Variants in RPN2 observed in about 807,000 individuals in gnomAD.
RPN2 encodes the protein ribophorin II.
A neutral mutation model predicts 71.4 loss-of-function variants in RPN2; 29 were observed. The ratio of observed to expected loss-of-function variants is 0.41; its 90% CI spans 0.30 to 0.55. The LOEUF (loss-of-function observed/expected upper bound fraction) is 0.55, where lower values mean the gene tolerates loss of function less well. Among genes scored for constraint, RPN2 ranks in the 20% least tolerant of loss-of-function variants. The pLI, the probability that RPN2 is intolerant of heterozygous loss-of-function variation, is 0.35. For synonymous variants in RPN2, 308 were observed against 305.0 expected (o/e 1.01, Z -0.10); for missense variants, 726 against 774.1 (o/e 0.94, Z 0.74).
At chr20:37,227,830 C>T (rs1005840871) in intron 11 of RPN2, among the ~76,000 whole-genome samples, 2 of 152,258 alleles carry the variant, frequency 1.3e-5, no homozygotes, top group African/African-American at 4.8e-5. Flanking sequence ...TCAGTACCAT[C>T]GTATTGCTAT....
chr20:37,218,544 C>CT (rs1376861582), intron 9 of RPN2, among the ~76,000 whole-genome samples: 1 of 60,652 alleles, frequency 1.6e-5, no homozygotes, highest in African/African-American at 6.8e-5. Context: ...CCCGTCTCTG[C>CT]TAAAAAAAAA....
intron 16 of RPN2, 69 bp from the exon 17 acceptor site, chr20:37,241,234 A>C: frequency 6.3e-7 from 1 of 1,577,888 alleles, no homozygotes. Context: ...CTCTGTTGTC[A>C]CCAGTTAGGA....
chr20:37,207,177 A>G, intron 6 of RPN2, 96 bp from the exon 7 acceptor site: 2 of 965,830 alleles, frequency 2.1e-6, no homozygotes, highest in Non-Finnish European at 3.3e-6. Flanking sequence ...CCATGTGAAC[A>G]CCCGAAACAG....
At chr20:37,212,174 G>A in intron 8 of RPN2, among the ~76,000 whole-genome samples, 1 of 152,156 alleles carries the variant, frequency 6.6e-6, no homozygotes, top group Admixed American at 6.5e-5. Context: ...AGCTACTTGG[G>A]AGGCTGAGGT....
intron 1 of RPN2, among the ~76,000 whole-genome samples, chr20:37,182,401 A>T (rs1245630275): frequency 6.6e-6 from 1 of 151,566 alleles, no homozygotes; most frequent in Non-Finnish European, 1.5e-5. Context: ...GCTGTCTTTT[A>T]TTTTTTTGAG....
intron 13 of RPN2, among the ~76,000 whole-genome samples, chr20:37,231,168 G>T (rs957910701): frequency 6.6e-6 from 1 of 152,006 alleles, no homozygotes; most frequent in Non-Finnish European, 1.5e-5. Flanking sequence ...GGTGGTCATG[G>T]CCCTCCCCAC....
At chr20:37,180,916 C>G (rs1342040532) in intron 1 of RPN2, among the ~76,000 whole-genome samples, 1 of 152,172 alleles carries the variant, frequency 6.6e-6, no homozygotes, top group East Asian at 1.9e-4. Context: ...TAAGTCAAAT[C>G]ACTCCTCTGC....
intron 15 of RPN2, among the ~76,000 whole-genome samples, chr20:37,235,493 G>A (rs1405593894): frequency 2.0e-5 from 3 of 152,164 alleles, no homozygotes; most frequent in Middle Eastern, 3.4e-3. Flanking sequence ...AGGCCCCAGG[G>A]CTCTCCGTTC....
At chr20:37,180,038 G>C (rs2066817682) in intron 1 of RPN2, among the ~76,000 whole-genome samples, 1 of 152,216 alleles carries the variant, frequency 6.6e-6, no homozygotes, top group Non-Finnish European at 1.5e-5. Flanking sequence ...ATGGCCCTAG[G>C]TAAGAACTAA....
chr20:37,232,386 G>T lies in RPN2; in HGVS notation c.1672G>T (p.Ala558Ser). ...LILSPLLLLF[A>S]LWIRIGANVS... ...CCTCTCGCCGTTGCTTCTGCTCTTCGCTCTGGTGAGTGGCTGTAATTAGCG... is the reference window on the plus strand; with the variant it reads ...CCTCTCGCCGTTGCTTCTGCTCTTCTCTCTGGTGAGTGGCTGTAATTAGCG... The change falls in exon 14 of 17, where the codon GCT becomes TCT. Residue 558 changes from alanine to serine, a missense_variant. By Grantham distance (99) the Ala-to-Ser change is moderately conservative. Transcript: ENST00000237530. 1.2e-6 allele frequency: 2 copies of T among 1,614,130 alleles called. No homozygotes were observed. Among genetic ancestry groups the T allele is most frequent in the Non-Finnish European group, 1.7e-6 (2 of 1,180,022 alleles).
intron 16 of RPN2, 74 bp downstream of exon 16, chr20:37,236,783 G>A: frequency 6.8e-7 from 1 of 1,480,736 alleles, no homozygotes; most frequent in Non-Finnish European, 9.4e-7. Context: ...GCTCTTTGAA[G>A]GGTAGGTGGC....
Position 37,223,955 on chromosome 20 carries a change from A to C in RPN2, c.1170A>C (p.Ala390=). 6.2e-7 allele frequency: 1 copy of C among 1,614,024 alleles called. No individual in the cohort carries two copies. The highest frequency in any genetic ancestry group is 8.5e-7 in the Non-Finnish European group (1 of 1,179,908). Residue 390 remains alanine (A), a synonymous_variant, in exon 10 of 17, where the codon GCA becomes GCC. Coordinates refer to ENST00000237530, the MANE Select transcript of RPN2 (RefSeq NM_002951.5). ...CCGTGGATAAGGATCAGAGCATTGC[A>C]CCCAAAACTACCCGGTAGGTGAGAT... The part of the protein sequence containing the change: ...LSTVDKDQSI[A]PKTTRVTYPA...
intron 11 of RPN2, among the ~76,000 whole-genome samples, chr20:37,226,754 G>A (rs2068086511): frequency 1.3e-5 from 2 of 152,048 alleles, no homozygotes; most frequent in African/African-American, 4.8e-5. Context: ...TTTCCCCTGA[G>A]AACCTAATAT....
At chr20:37,210,281 G>A (rs1199616374) in intron 8 of RPN2, 116 bp downstream of exon 8, 69 of 1,563,268 alleles carry the variant, frequency 4.4e-5, no homozygotes, top group Non-Finnish European at 5.2e-5. Flanking sequence ...TACTGGTATC[G>A]AAAGCCTACA....
chr20:37,183,922 T>TA (rs2066939942), intron 1 of RPN2, among the ~76,000 whole-genome samples: 1 of 152,178 alleles, frequency 6.6e-6, no homozygotes, highest in African/African-American at 2.4e-5. Flanking sequence ...GCAGAGGACT[T>TA]ACAGACATCT....
intron 13 of RPN2, among the ~76,000 whole-genome samples, chr20:37,231,491 AGGAGGGAGGATCACTTGAGGT>A (rs2068244803): frequency 6.6e-6 from 1 of 152,136 alleles, no homozygotes; most frequent in Admixed American, 6.6e-5. Flanking sequence ...TGCAGGGCCA[AGGAGGGAGGATCACTTGAGGT>A]CAGGAGTTGG....
rs1046438907 is a variant in RPN2 at position 37,236,351 on chromosome 20, T to C, written c.1754-229T>C. On this transcript the variant is annotated intron_variant, in intron 15 of 16. Transcript: ENST00000237530. Reference sequence around the variant, plus strand: ...ATCCTCCTGCCTCAGCCTCCCAAAATGTTGGGATTACAGGTGTGAGCCACT... The same window carrying C: ...ATCCTCCTGCCTCAGCCTCCCAAAACGTTGGGATTACAGGTGTGAGCCACT... Among the ~76,000 whole-genome samples, 7 of 152,164 alleles carry C rather than the reference T, an allele frequency of 4.6e-5. No homozygotes were observed. In the East Asian group the frequency reaches 1.2e-3, roughly 25 times the overall value.
At chr20:37,207,124 G>A (rs1600785162) in intron 6 of RPN2, 149 bp from the exon 7 acceptor site, 3 of 674,074 alleles carry the variant, frequency 4.5e-6, no homozygotes, top group East Asian at 2.7e-5. Context: ...GAATATTTGC[G>A]TTTTCTCCAT....
chr20:37,195,272 T>C (rs2067230629), intron 2 of RPN2, among the ~76,000 whole-genome samples: 1 of 152,202 alleles, frequency 6.6e-6, no homozygotes, highest in African/African-American at 2.4e-5. Context: ...CTTCTGCTGC[T>C]GTGTAAACTC....
Sources: allele counts gnomAD v4.1 joint callset (sites outside exome capture counted in the v4.1 genomes callset), GRCh38; gene constraint gnomAD v4.1.1; transcripts MANE v1.5; gene names NCBI Gene and HGNC (gene_info 2026-07-23, HGNC 2026-07-21).